Variants in HPD observed in about 807,000 individuals in gnomAD.
HPD encodes the protein 4-hydroxyphenylpyruvate dioxygenase.
A neutral mutation model predicts 56.9 loss-of-function variants in HPD; 35 were observed. That is an observed-to-expected ratio of 0.62 (90% CI 0.47 to 0.82). The LOEUF (loss-of-function observed/expected upper bound fraction) is 0.82, where lower values mean the gene tolerates loss of function less well. HPD is among the 40% of genes least tolerant of loss of function. The pLI is 0.00. For missense variants in HPD, 442 were observed against 506.8 expected, an observed-to-expected ratio of 0.87 and a Z score of 1.23; for synonymous variants, 186 against 200.2, an observed-to-expected ratio of 0.93 and a Z score of 0.60.
the HPD span, among the ~76,000 whole-genome samples, chr12:121,870,406 G>A: frequency 6.6e-6 from 1 of 151,594 alleles, no homozygotes; most frequent in Non-Finnish European, 1.5e-5. Flanking sequence ...TACTAGGGAG[G>A]CTGAGGCGGG....
At chr12:121,877,404 C>T in the HPD span, among the ~76,000 whole-genome samples, 2 of 152,072 alleles carry the variant, frequency 1.3e-5, no homozygotes, top group African/African-American at 4.8e-5. Flanking sequence ...GGCCACAGAC[C>T]TGAAACCTAA....
At chr12:121,857,465 G>C (rs1224775425) in intron 3 of HPD, 33 bp from the exon 4 acceptor site, 1 of 1,494,046 alleles carries the variant, frequency 6.7e-7, no homozygotes, top group Non-Finnish European at 9.3e-7. Context: ...GGTTCATGAG[G>C]GTCAAGGGGC....
Position 121,839,677 on chromosome 12 carries a change from G to T in HPD, c.*51C>A, listed in dbSNP as rs1488661466. On this transcript the variant is annotated 3_prime_UTR_variant, in exon 14 of 14. Transcript: ENST00000289004. Reference sequence around the variant, plus strand: ...CAGTAGGGAAGTTGGGCGAGTTCCAGAATCAGGGGGCGTGGCTGTGTGGCT... The same window carrying T: ...CAGTAGGGAAGTTGGGCGAGTTCCATAATCAGGGGGCGTGGCTGTGTGGCT... 1 of 1,340,094 alleles carries T rather than the reference G, an allele frequency of 7.5e-7. No homozygotes were observed. Among genetic ancestry groups the T allele is most frequent in the Non-Finnish European group, 1.1e-6 (1 of 931,066 alleles). 83.0% of individuals were successfully genotyped at this position (1,340,094 alleles called of 1,614,324 possible).
At chr12:121,851,653 A>T (rs1877776728) in intron 7 of HPD, among the ~76,000 whole-genome samples, 1 of 151,582 alleles carries the variant, frequency 6.6e-6, no homozygotes, top group Admixed American at 6.6e-5. Flanking sequence ...GTTTAATTTA[A>T]TTTTTTAACT....
intron 9 of HPD, among the ~76,000 whole-genome samples, chr12:121,847,871 C>T (rs948972809): frequency 1.1e-4 from 17 of 152,148 alleles, no homozygotes; most frequent in African/African-American, 3.9e-4. Flanking sequence ...CACTATGTTG[C>T]CCAGGCTGTC....
chr12:121,877,846 G>A, the HPD span, among the ~76,000 whole-genome samples: 2 of 152,188 alleles, frequency 1.3e-5, no homozygotes, highest in Non-Finnish European at 2.9e-5. Context: ...TGTTGCCTGT[G>A]GGTACATGGG....
chr12:121,854,638 G>T (rs1877926400), intron 7 of HPD, 65 bp downstream of exon 7: 1 of 1,109,244 alleles, frequency 9.0e-7, no homozygotes, highest in African/African-American at 1.5e-5. Flanking sequence ...GGAGTCAGCT[G>T]CGGGGCTCCT....
At chr12:121,868,925 C>T in the HPD span, among the ~76,000 whole-genome samples, 1 of 152,142 alleles carries the variant, frequency 6.6e-6, no homozygotes, top group Non-Finnish European at 1.5e-5. Flanking sequence ...CCCTATCATC[C>T]AGGCTGGAGT....
At chr12:121,844,753 A>C (rs1331164097) in intron 11 of HPD, among the ~76,000 whole-genome samples, 8 of 151,302 alleles carry the variant, frequency 5.3e-5, no homozygotes, top group Non-Finnish European at 1.0e-4. Context: ...TGGTGGTGGG[A>C]GCGTGTAGTC....
chr12:121,856,315 C>T lies in HPD; in HGVS notation c.324+9G>A. On this transcript the variant is annotated intron_variant, in intron 6 of 13. Transcript: ENST00000289004. ...CTTCCTCTCTCAGTCCACCCAGGTG[C>T]TTTCTTACCTGCACGATGTAGTCAC... 6.2e-7 allele frequency: 1 copy of T among 1,611,924 alleles called. No homozygotes were observed. The highest frequency in any genetic ancestry group is 8.5e-7 in the Non-Finnish European group (1 of 1,177,954).
chr12:121,865,326 C>A (rs61954289), upstream of HPD, among the ~76,000 whole-genome samples: 151,851 of 151,854 alleles, frequency 1, 75,924 homozygotes, highest in Non-Finnish European at 1. Flanking sequence ...CTGGAGTGCA[C>A]TGGCATGATC....
chr12:121,879,631 C>G, the HPD span, among the ~76,000 whole-genome samples: 1 of 152,096 alleles, frequency 6.6e-6, no homozygotes, highest in African/African-American at 2.4e-5. Context: ...CCATCTCGGC[C>G]TGAGTAGCTG....
chr12:121,878,470 T>C, the HPD span, among the ~76,000 whole-genome samples: 1 of 152,126 alleles, frequency 6.6e-6, no homozygotes, highest in Non-Finnish European at 1.5e-5. Context: ...TGCCTCAGCC[T>C]CCCAAGTAGC....
intron 11 of HPD, among the ~76,000 whole-genome samples, chr12:121,845,053 C>T (rs1244349399): frequency 6.7e-6 from 1 of 148,868 alleles, no homozygotes; most frequent in Non-Finnish European, 1.5e-5. Context: ...CACTGCACTC[C>T]AGCCTAGAAG....
intron 2 of HPD, 26 bp from the exon 3 acceptor site, chr12:121,857,845 T>C (rs1237648176): frequency 3.8e-6 from 6 of 1,596,480 alleles, no homozygotes; most frequent in Non-Finnish European, 4.3e-6. Flanking sequence ...AGAGGTGAGG[T>C]TGAGTCCCTG....
chr12:121,856,953 G>C (rs1045770885), intron 4 of HPD: 4 of 511,290 alleles, frequency 7.8e-6, no homozygotes, highest in African/African-American at 7.7e-5. Context: ...GGTCAGTGTT[G>C]GGCCAGGCTG....
chr12:121,855,717 A>G (rs12313193), intron 6 of HPD, among the ~76,000 whole-genome samples: 6,727 of 151,618 alleles, frequency 0.044, 474 homozygotes, highest in African/African-American at 0.15. Flanking sequence ...ACTCTGACAC[A>G]CACACACACA....
At chr12:121,877,618 A>G in the HPD span, among the ~76,000 whole-genome samples, 80 of 152,316 alleles carry the variant, frequency 5.3e-4, no homozygotes, top group African/African-American at 1.9e-3. Context: ...CTGTAATCCC[A>G]GCTACTCAGG....
At chr12:121,840,784 A>G (rs1226219424) in intron 12 of HPD, among the ~76,000 whole-genome samples, 2 of 152,080 alleles carry the variant, frequency 1.3e-5, no homozygotes, top group Non-Finnish European at 2.9e-5. Context: ...TAAAAAAAAA[A>G]AAGGGGGTGG....
Sources: gnomAD v4.1 joint callset for allele counts (sites outside exome capture counted in the v4.1 genomes callset) on GRCh38, gnomAD v4.1.1 for gene constraint, MANE v1.5 for transcripts, NCBI Gene and HGNC (gene_info 2026-07-23, HGNC 2026-07-21) for gene names.